The following MSRA variants were observed in gnomAD, a reference collection of about 807,000 sequenced individuals.
The protein encoded by MSRA is methionine sulfoxide reductase A, also known as mitochondrial peptide methionine sulfoxide reductase.
Under a neutral mutation model 31.3 loss-of-function variants are expected in MSRA, and 54 were observed. That is an observed-to-expected ratio of 1.73 (90% CI 1.39 to 2.17). MSRA has a LOEUF of 2.17. Among genes scored for constraint, MSRA ranks in the 30% most tolerant of loss-of-function variants. The pLI is 0.00. For synonymous variants in MSRA, 169 were observed against 116.5 expected, an observed-to-expected ratio of 1.45 and a Z score of -2.90; for missense variants, 507 against 300.9, an observed-to-expected ratio of 1.69 and a Z score of -5.07.
chr8:10,130,563 G>C (rs144519436), intron 1 of MSRA, among the ~76,000 whole-genome samples: 49 of 152,248 alleles, frequency 3.2e-4, no homozygotes, highest in Non-Finnish European at 6.0e-4. Flanking sequence ...AAATTGTGTA[G>C]GCTTTGTGGA....
At position 10,147,808 on chromosome 8, in the gene MSRA, C is replaced by T. The variant is rs76674039; in HGVS notation, c.143-60025C>T. Among the ~76,000 whole-genome samples, 247 of 152,360 alleles carry T rather than the reference C, an allele frequency of 1.6e-3. 2 individuals are homozygous for T. The highest frequency in any genetic ancestry group is 5.1e-3 in the African/African-American group (213 of 41,588). On this transcript the variant is annotated intron_variant, in intron 1 of 5. Transcript: ENST00000317173. Reference sequence around the variant, plus strand: ...CCCCCACGTCCCAGGGGCTCGGAGACAGGTCACCGTTTCTCTGGACTGTCA... The same window carrying T: ...CCCCCACGTCCCAGGGGCTCGGAGATAGGTCACCGTTTCTCTGGACTGTCA...
intron 1 of MSRA, among the ~76,000 whole-genome samples, chr8:10,177,158 G>A (rs1164283746): frequency 6.6e-6 from 1 of 152,140 alleles, no homozygotes; most frequent in Non-Finnish European, 1.5e-5. Flanking sequence ...GTATGGTGTT[G>A]AAAAAGTTGG....
intron 1 of MSRA, among the ~76,000 whole-genome samples, chr8:10,141,055 G>A (rs1287947133): frequency 1.3e-5 from 2 of 152,218 alleles, no homozygotes; most frequent in African/African-American, 2.4e-5. Flanking sequence ...GGCAGATGCA[G>A]TGAGTTGTAG....
chr8:10,136,658 G>C (rs1802304817), intron 1 of MSRA, among the ~76,000 whole-genome samples: 1 of 152,226 alleles, frequency 6.6e-6, no homozygotes, highest in South Asian at 2.1e-4. Flanking sequence ...ATACTGGTTA[G>C]ATGCAGGCCT....
At chr8:10,348,558 C>T (rs556368783) in intron 5 of MSRA, among the ~76,000 whole-genome samples, 38 of 151,864 alleles carry the variant, frequency 2.5e-4, no homozygotes, top group South Asian at 4.2e-4. Context: ...TTAGTAGAGA[C>T]GGGGTTTCAC....
intron 1 of MSRA, among the ~76,000 whole-genome samples, chr8:10,136,589 C>T (rs981807253): frequency 6.6e-6 from 1 of 152,194 alleles, no homozygotes; most frequent in East Asian, 1.9e-4. Flanking sequence ...AAGTGTGGGC[C>T]TGTACATTGT....
chr8:10,235,611 C>T (rs530247315), intron 2 of MSRA, among the ~76,000 whole-genome samples: 39 of 152,136 alleles, frequency 2.6e-4, no homozygotes, highest in South Asian at 4.1e-4. Flanking sequence ...TGCTCTGCAA[C>T]GAAAACCTCT....
At chr8:10,076,351 G>A (rs545498577) in intron 1 of MSRA, among the ~76,000 whole-genome samples, 3 of 152,152 alleles carry the variant, frequency 2.0e-5, no homozygotes, top group South Asian at 2.1e-4. Context: ...CAAGAGCTGC[G>A]GTGTATGGCA....
intron 3 of MSRA, among the ~76,000 whole-genome samples, chr8:10,254,822 A>C (rs1246916106): frequency 6.6e-6 from 1 of 152,248 alleles, no homozygotes; most frequent in East Asian, 1.9e-4. Context: ...ATATTAAGCT[A>C]TGCTAGAGCT....
chr8:10,287,605 A>T (rs1301881234), intron 3 of MSRA, among the ~76,000 whole-genome samples: 2 of 152,150 alleles, frequency 1.3e-5, no homozygotes, highest in African/African-American at 2.4e-5. Context: ...CACCGTTCTC[A>T]TGCGTTGGAC....
chr8:10,190,306 A>T (rs1205213848), intron 1 of MSRA, among the ~76,000 whole-genome samples: 1 of 152,090 alleles, frequency 6.6e-6, no homozygotes, highest in African/African-American at 2.4e-5. Flanking sequence ...AGCCCTCCCC[A>T]CAGGGCACCA....
intron 5 of MSRA, among the ~76,000 whole-genome samples, chr8:10,387,370 AG>A (rs1806458544): frequency 6.8e-6 from 1 of 146,366 alleles, no homozygotes; most frequent in Non-Finnish European, 1.5e-5. Flanking sequence ...TAAACTGAAC[AG>A]AAATCAACAG....
chr8:10,356,361 C>T (rs1264531006), intron 5 of MSRA, among the ~76,000 whole-genome samples: 1 of 152,208 alleles, frequency 6.6e-6, no homozygotes, highest in Non-Finnish European at 1.5e-5. Flanking sequence ...GTAAGCCAAA[C>T]AACCTTGTTA....
chr8:10,302,777 A>G (rs1007522712), intron 4 of MSRA, among the ~76,000 whole-genome samples: 1 of 152,210 alleles, frequency 6.6e-6, no homozygotes, highest in African/African-American at 2.4e-5. Context: ...CACGATTTCC[A>G]TGACCACAAA....
intron 1 of MSRA, among the ~76,000 whole-genome samples, chr8:10,062,263 C>G (rs2128913062): frequency 6.6e-6 from 1 of 152,314 alleles, no homozygotes; most frequent in South Asian, 2.1e-4. Flanking sequence ...CCCTGCCCTC[C>G]TGTTTCAGCT....
chr8:10,392,890 C>CAAAAAAAAAAAAAA (rs869085304), intron 5 of MSRA, among the ~76,000 whole-genome samples: 4 of 113,256 alleles, frequency 3.5e-5, no homozygotes, highest in Admixed American at 9.2e-5. Context: ...ACTAAAAATG[C>CAAAAAAAAAAAAAA]AAAAAAAAAA....
chr8:10,284,642 C>T (rs1393504487), intron 3 of MSRA, among the ~76,000 whole-genome samples: 1 of 152,162 alleles, frequency 6.6e-6, no homozygotes, highest in African/African-American at 2.4e-5. Context: ...GGCTCCTCAT[C>T]TTCCTTCTTT....
chr8:10,184,404 G>A (rs189564747), intron 1 of MSRA, among the ~76,000 whole-genome samples: 139 of 152,142 alleles, frequency 9.1e-4, no homozygotes, highest in African/African-American at 3.3e-3. Flanking sequence ...CCTGGGAACA[G>A]TAAACCTTGA....
chr8:10,324,441 C>G (rs188991295), intron 5 of MSRA, among the ~76,000 whole-genome samples: 1 of 152,202 alleles, frequency 6.6e-6, no homozygotes, highest in South Asian at 2.1e-4. Context: ...GAACATGGGA[C>G]GGCCACGGAA....
Sources: allele counts gnomAD v4.1 joint callset (sites outside exome capture counted in the v4.1 genomes callset), GRCh38; gene constraint gnomAD v4.1.1; transcripts MANE v1.5; gene names NCBI Gene and HGNC (gene_info 2026-07-23, HGNC 2026-07-21).